The following SLC23A1 variants were observed in gnomAD, a reference collection of about 807,000 sequenced individuals.
SLC23A1 encodes solute carrier family 23 member 1.
In SLC23A1, 31 loss-of-function variants were observed where a neutral mutation model predicts 62.5. That is an observed-to-expected ratio of 0.50 (90% CI 0.37 to 0.67). SLC23A1 has a LOEUF of 0.67. Among genes scored for constraint, SLC23A1 ranks in the 30% least tolerant of loss-of-function variants. SLC23A1 has a pLI of 0.00. For missense variants in SLC23A1, 640 were observed against 782.7 expected, an observed-to-expected ratio of 0.82 and a Z score of 2.18; for synonymous variants, 271 against 313.2, an observed-to-expected ratio of 0.87 and a Z score of 1.42.
intron 14 of SLC23A1, among the ~76,000 whole-genome samples, 196 bp from the exon 15 acceptor site, chr5:139,367,827 TCCTTTAACTTA>T (rs1757359961): frequency 6.6e-6 from 1 of 152,240 alleles, no homozygotes; most frequent in Non-Finnish European, 1.5e-5. Context: ...TCCGTGCTAT[TCCTTTAACTTA>T]TGTGAAGTTA....
chr5:139,378,283 G>A lies in SLC23A1; in HGVS notation c.1248C>T (p.Phe416=). 6.2e-7 allele frequency: 1 copy of A among 1,601,926 alleles called. No homozygotes were observed. The highest frequency in any genetic ancestry group is 8.5e-7 in the Non-Finnish European group (1 of 1,174,790). The change falls in exon 11 of 15, where the codon TTC becomes TTT. Residue 416 remains phenylalanine, a synonymous_variant. Transcript: ENST00000348729. This position sits in a 1 kb window ranked among gnomAD's most constrained non-coding sequence, Gnocchi z 4.5. The part of the protein sequence containing the change: ...IMLVLGTIGK[F]TALFASLPDP... Reference sequence around the variant, plus strand: ...CAGGGAGCGAGGCGAAGAGGGCCGTGAACTTGCCGATGGTGCCCAGGACCA... The same window carrying A: ...CAGGGAGCGAGGCGAAGAGGGCCGTAAACTTGCCGATGGTGCCCAGGACCA...
chr5:139,370,966 C>T (rs1269634150), intron 14 of SLC23A1, among the ~76,000 whole-genome samples: 1 of 151,900 alleles, frequency 6.6e-6, no homozygotes, highest in Non-Finnish European at 1.5e-5. Context: ...CCTGTAATCC[C>T]AGCTACTCAG....
upstream of SLC23A1, among the ~76,000 whole-genome samples, chr5:139,385,580 T>C (rs916505007): frequency 6.6e-6 from 1 of 152,178 alleles, no homozygotes; most frequent in Non-Finnish European, 1.5e-5. Flanking sequence ...TTCTCTTTTC[T>C]CATGAAGGCT....
chr5:139,370,771 G>C (rs1356900171), intron 14 of SLC23A1, among the ~76,000 whole-genome samples: 1 of 151,720 alleles, frequency 6.6e-6, no homozygotes, highest in African/African-American at 2.4e-5. Context: ...TGTGGCTTTT[G>C]TTGGGAAAAA....
In SLC23A1 at chr5:139,383,229, C is replaced by T. The variant is rs1758378552; in HGVS notation, c.25G>A (p.Gly9Ser). 2.1e-6 allele frequency: 3 copies of T among 1,407,264 alleles called. No homozygotes were observed. Among genetic ancestry groups the T allele is most frequent in the Non-Finnish European group, 2.8e-6 (3 of 1,055,222 alleles). The allele number at this position is 1,407,264 out of a possible 1,614,324, so 87.2% of individuals were successfully genotyped here. MRAQEDLE[G>S]RTQHETTRDP... is the part of the protein sequence containing the mutation. ...CCAGCCCCCAGCACCTGTGTCCGGC[C>T]CTCGAGGTCCTCCTGGGCCCTCATC... The change falls in exon 1 of 15, where the codon GGC becomes AGC. Residue 9 changes from glycine to serine, a missense_variant. By Grantham distance (56) the Gly-to-Ser change is moderately conservative. Coordinates refer to ENST00000348729, the MANE Select transcript of SLC23A1 (RefSeq NM_005847.5).
At position 139,380,072 on chromosome 5, in the gene SLC23A1, T is replaced by C. The variant is rs34521685; in HGVS notation, c.652A>G (p.Ile218Val). Reference protein sequence around the residue: ...GSHWGISACSILLIILFSQYL... With the variant: ...GSHWGISACSVLLIILFSQYL... ...TGGGAGAAGAGGATGATCAGGAGAA[T>C]GGAGCTGGGGGCAGAGGCACAATCA... Residue 218 changes from isoleucine (I) to valine (V), a missense_variant, in exon 7 of 15, where the codon ATT becomes GTT. Coordinates refer to ENST00000348729, the MANE Select transcript of SLC23A1 (RefSeq NM_005847.5). 1.0e-3 allele frequency: 1,681 copies of C among 1,609,546 alleles called. 9 individuals carry two copies. The African/African-American group carries it at 0.019, about 18-fold the overall frequency.
At chr5:139,368,985 A>G (rs567792634) in intron 14 of SLC23A1, 2 of 495,272 alleles carry the variant, frequency 4.0e-6, no homozygotes, top group South Asian at 3.1e-5. Context: ...TCAAACATTT[A>G]CTGAAAATAG....
At position 139,382,603 on chromosome 5, in the gene SLC23A1, A is replaced by T. The variant is rs768110409; in HGVS notation, c.39T>A (p.His13Gln). Residue 13 changes from histidine (H) to glutamine (Q), a missense_variant and splice_region_variant, in exon 2 of 15, where the codon CAT becomes CAA. Coordinates refer to ENST00000348729, the MANE Select transcript of SLC23A1 (RefSeq NM_005847.5). ...GGGTCGAGGGGTCCCTGGTGGTTTC[A>T]TGCTGGAGGCAGCAGAGATAAGTAG... Reference protein sequence around the residue: ...AQEDLEGRTQHETTRDPSTPL... With the variant: ...AQEDLEGRTQQETTRDPSTPL... The T allele has an allele frequency of 3.7e-5, 59 of 1,596,720 alleles. No individual in the cohort carries two copies. The highest frequency in any genetic ancestry group is 4.9e-5 in the Non-Finnish European group (57 of 1,164,856).
intron 6 of SLC23A1, 38 bp downstream of exon 6, chr5:139,380,170 C>A (rs1364782372): frequency 6.4e-7 from 1 of 1,556,480 alleles, no homozygotes; most frequent in South Asian, 1.2e-5. Context: ...GGGTAGGGTG[C>A]TGGGGCTGGG....
chr5:139,376,295 G>A (rs1226100149), intron 13 of SLC23A1, among the ~76,000 whole-genome samples: 5 of 151,282 alleles, frequency 3.3e-5, no homozygotes, highest in African/African-American at 1.2e-4. Flanking sequence ...TCAGCCTCCC[G>A]AGAAGCTGGG....
upstream of SLC23A1, among the ~76,000 whole-genome samples, chr5:139,383,818 G>A (rs571204653): frequency 6.6e-6 from 1 of 152,230 alleles, no homozygotes; most frequent in Non-Finnish European, 1.5e-5. Flanking sequence ...TTTGACCCAA[G>A]CCATGCAGAT....
In SLC23A1 at chr5:139,372,218, C is replaced by A; in HGVS notation, c.1585G>T (p.Ala529Ser). Residue 529 changes from alanine to serine, a missense_variant, in exon 14 of 15, where the codon GCT becomes TCT. By Grantham distance (99) the Ala-to-Ser change is moderately conservative (BLOSUM62 1). Transcript: ENST00000348729. ...PEERGLIQWK[A>S]GAHANSDMSS... Reference sequence around the variant, plus strand: ...ATGTCACTGTTGGCATGAGCCCCAGCTTTCCACTGTATCAGACCACGCTCC... The same window carrying A: ...ATGTCACTGTTGGCATGAGCCCCAGATTTCCACTGTATCAGACCACGCTCC... The A allele has an allele frequency of 6.2e-7, 1 of 1,613,858 alleles. No individual in the cohort carries two copies. The highest frequency in any genetic ancestry group is 8.5e-7 in the Non-Finnish European group (1 of 1,179,738).
chr5:139,384,461 G>T (rs1358662199), upstream of SLC23A1: 1 of 1,289,678 alleles, frequency 7.8e-7, no homozygotes, highest in African/African-American at 1.5e-5. Flanking sequence ...GAGTCCGCCC[G>T]CCTGCCGGTG....
rs1254492081 is a variant in SLC23A1 at position 139,379,299 on chromosome 5, G to A, written c.981C>T (p.Ala327=). The A allele has an allele frequency of 5.6e-6, 9 of 1,614,068 alleles. No individual in the cohort carries two copies. In the Admixed American group the frequency reaches 1.2e-4, roughly 21 times the overall value. ...TGGACTCAATGATGCCTGCCAGAGT[G>A]GCGCTGAACATTCCCAGGACAGCAG... ...TAAAVLGMFS[A]TLAGIIESIG... Residue 327 remains alanine, a synonymous_variant, in exon 9 of 15, where the codon GCC becomes GCT. Coordinates refer to ENST00000348729, the MANE Select transcript of SLC23A1 (RefSeq NM_005847.5). The surrounding 1 kb of genome is among the most constrained non-coding windows in gnomAD (Gnocchi z 4.7).
At chr5:139,380,158 G>C in intron 6 of SLC23A1, 50 bp downstream of exon 6, 1 of 1,559,570 alleles carries the variant, frequency 6.4e-7, no homozygotes, top group South Asian at 1.2e-5. Context: ...AGGACATGAA[G>C]AGGGTAGGGT....
Position 139,379,314 on chromosome 5 carries a change from C to G in SLC23A1, c.966G>C (p.Leu322=), listed in dbSNP as rs947985928. 6.2e-7 allele frequency: 1 copy of G among 1,614,172 alleles called. No individual in the cohort carries two copies. The highest frequency in any genetic ancestry group is 2.2e-5 in the East Asian group (1 of 44,886). ...GLPTVTAAAV[L]GMFSATLAGI... ...CTGCCAGAGTGGCGCTGAACATTCC[C>G]AGGACAGCAGCCGCAGTCACCGTGG... The change falls in exon 9 of 15, where the codon CTG becomes CTC. Residue 322 remains leucine (L), a synonymous_variant. Coordinates refer to ENST00000348729, the MANE Select transcript of SLC23A1 (RefSeq NM_005847.5). This position sits in a 1 kb window ranked among gnomAD's most constrained non-coding sequence, Gnocchi z 4.7.
upstream of SLC23A1, among the ~76,000 whole-genome samples, chr5:139,385,428 T>G (rs1219903523): frequency 6.6e-6 from 1 of 151,822 alleles, no homozygotes; most frequent in Admixed American, 6.6e-5. Flanking sequence ...CCATACCAGC[T>G]GGGGTCAAAG....
intron 5 of SLC23A1, 26 bp downstream of exon 5, chr5:139,380,539 T>C (rs781486451): frequency 2.5e-6 from 4 of 1,612,278 alleles, no homozygotes; most frequent in Non-Finnish European, 3.4e-6. Context: ...GGACCCGGCC[T>C]CTTCTATGCT....
At chr5:139,381,647 G>T (rs1409038888) in intron 3 of SLC23A1, among the ~76,000 whole-genome samples, 1 of 150,400 alleles carries the variant, frequency 6.6e-6, no homozygotes, top group African/African-American at 2.4e-5. Context: ...AAAGAGGGGA[G>T]AGCCAGCGAG....
Sources: gnomAD v4.1 joint callset for allele counts (sites outside exome capture counted in the v4.1 genomes callset) on GRCh38, gnomAD v4.1.1 for gene constraint, Gnocchi (gnomAD v3.1) non-coding constraint, MANE v1.5 for transcripts, NCBI Gene and HGNC (gene_info 2026-07-23, HGNC 2026-07-21) for gene names.